Variants in MTM1 observed in about 807,000 individuals in gnomAD.
The protein encoded by MTM1 is myotubularin 1.
MTM1 carries 9 observed loss-of-function variants against 52.1 expected under a neutral mutation model. The ratio of observed to expected loss-of-function variants is 0.17; its 90% CI spans 0.10 to 0.30. The LOEUF (loss-of-function observed/expected upper bound fraction) is 0.30, where lower values mean the gene tolerates loss of function less well. MTM1 is among the 10% of genes least tolerant of loss of function. MTM1 has a pLI of 1.00. For missense variants in MTM1, 277 were observed against 470.7 expected (o/e 0.59, Z 3.81); for synonymous variants, 136 against 163.8 (o/e 0.83, Z 1.29).
rs1376946280 is a variant in MTM1 at position 150,672,481 on chromosome X, C to CTA, written c.*888_*889dup. The CTA allele has an allele frequency of 8.9e-6, 1 of 111,949 alleles. No homozygotes were observed. Among genetic ancestry groups the CTA allele is most frequent in the Non-Finnish European group, 1.9e-5 (1 of 53,252 alleles). The allele number at this position is 111,949 out of a possible 1,213,427, so 9.2% of individuals were successfully genotyped here. The stretch of plus-strand genomic sequence containing the variant: ...AGGGCTACCGTCTTGGATGCATGAG[C>CTA]TATTGCTAGAGCATCATCCTTAGAA... On this transcript the variant is annotated 3_prime_UTR_variant, in exon 15 of 15. Transcript: ENST00000370396.
intron 14 of MTM1, among the ~76,000 whole-genome samples, chrX:150,668,886 CTTTTTTCTTT>C (rs1396349095): frequency 7.3e-5 from 8 of 110,098 alleles, no homozygotes; most frequent in Non-Finnish European, 1.5e-4. Flanking sequence ...AGACGTTTGG[CTTTTTTCTTT>C]TTTTTTCTTT....
chrX:150,658,815 A>G (rs1557414559), intron 11 of MTM1, among the ~76,000 whole-genome samples: 1 of 111,990 alleles, frequency 8.9e-6, no homozygotes, highest in Non-Finnish European at 1.9e-5. Context: ...AACATTTTCA[A>G]GTAGAAAGAA....
intron 1 of MTM1, among the ~76,000 whole-genome samples, chrX:150,586,051 A>G (rs1250339947): frequency 4.5e-5 from 5 of 112,284 alleles, no homozygotes; most frequent in African/African-American, 1.6e-4. Context: ...TTTTTAGCCA[A>G]AGGTCTTTGC....
At chrX:150,610,251 A>C (rs1206435728) in intron 4 of MTM1, among the ~76,000 whole-genome samples, 1 of 111,330 alleles carries the variant, frequency 9.0e-6, no homozygotes, top group Non-Finnish European at 1.9e-5. Flanking sequence ...TGGCACTAGC[A>C]ACCTGGCATT....
chrX:150,603,339 C>T (rs886068918), intron 4 of MTM1, among the ~76,000 whole-genome samples: 15 of 111,667 alleles, frequency 1.3e-4, no homozygotes, highest in Non-Finnish European at 1.9e-5. Flanking sequence ...AAGCAGTATG[C>T]AAGTTACACA....
At chrX:150,657,393 A>G (rs1429195796) in intron 10 of MTM1, among the ~76,000 whole-genome samples, 1 of 105,777 alleles carries the variant, frequency 9.5e-6, no homozygotes, top group East Asian at 3.1e-4. Context: ...CAAACACCGC[A>G]TGTTCTCACT....
rs188233288 is a variant in MTM1 at position 150,594,454 on chromosome X, C to T, written c.63+1777C>T. ...ATCAGCTCTATAATATGTTACAAGT[C>T]TTCTTCCTGATTTATTGTTGGCCTT... is the stretch of plus-strand genomic sequence containing the variant. On this transcript the variant is annotated intron_variant, in intron 2 of 14. Transcript: ENST00000370396. 6.1e-3 allele frequency among the ~76,000 whole-genome samples: 678 copies of T among 111,534 alleles called. 4 individuals are homozygous for T. The highest frequency in any genetic ancestry group is 0.014 in the Middle Eastern group (3 of 217).
rs782217375 is a variant in MTM1, at chrX:150,598,631, T to C, written c.176T>C (p.Ile59Thr). ...TACATATGTCCTTTCAATGGCCCCATTAAGGGAAGAGTTTACATCACAAAT... is the reference window on the plus strand; with the variant it reads ...TACATATGTCCTTTCAATGGCCCCACTAAGGGAAGAGTTTACATCACAAAT... Reference protein sequence around the residue: ...VIYICPFNGPIKGRVYITNYR... With the variant: ...VIYICPFNGPTKGRVYITNYR... The change falls in exon 4 of 15, where the codon ATT (isoleucine) becomes ACT (threonine). Residue 59 changes from isoleucine (I) to threonine (T), a missense_variant. Ile to Thr is a moderately conservative substitution (Grantham distance 89). Coordinates refer to ENST00000370396, the MANE Select transcript of MTM1 (RefSeq NM_000252.3). 1.6e-4 allele frequency: 197 copies of C among 1,200,352 alleles called. 1 individual carries two copies. Among genetic ancestry groups the C allele is most frequent in the Non-Finnish European group, 2.1e-4 (186 of 886,889 alleles).
In MTM1 at chrX:150,671,561, C is replaced by T. The variant is rs950958823; in HGVS notation, c.1778C>T (p.Ser593Leu). 46 of 1,209,210 alleles carry T rather than the reference C, an allele frequency of 3.8e-5. No homozygotes were observed. The highest frequency in any genetic ancestry group is 5.9e-5 in the East Asian group (2 of 33,757). Residue 593 changes from serine to leucine, a missense_variant, in exon 15 of 15, where the codon TCG (serine) becomes TTG (leucine). Ser to Leu is a moderately radical substitution (Grantham distance 145). Around this residue, in one of 4 missense-constraint regions of MTM1, gnomAD observed 51 missense variants for 52.2 expected, o/e 0.98. Coordinates refer to ENST00000370396, the MANE Select transcript of MTM1 (RefSeq NM_000252.3). ...SDPPTSPSSPSQMMPHVQTHF is the reference protein window; with the variant it reads ...SDPPTSPSSPLQMMPHVQTHF The stretch of plus-strand genomic sequence containing the variant: ...CCCCCAACTTCACCTTCCAGTCCTT[C>T]GCAAATGATGCCCCATGTGCAAACT...
intron 1 of MTM1, among the ~76,000 whole-genome samples, chrX:150,574,946 G>GGTTA (rs1427972702): frequency 3.6e-5 from 4 of 112,292 alleles, no homozygotes; most frequent in Non-Finnish European, 5.6e-5. Context: ...GTTTCAGAGA[G>GGTTA]GTTAGGTCTA....
chrX:150,564,225 CATG>C (rs1191605495), upstream of MTM1, among the ~76,000 whole-genome samples: 4 of 111,981 alleles, frequency 3.6e-5, no homozygotes, highest in East Asian at 5.6e-4. Context: ...TTTCATTTAG[CATG>C]ATATTTTTGA....
chrX:150,563,788 A>G (rs1442988685), upstream of MTM1, among the ~76,000 whole-genome samples: 2 of 110,665 alleles, frequency 1.8e-5, no homozygotes, highest in Non-Finnish European at 3.8e-5. Flanking sequence ...TGGGAAGCTG[A>G]GGCAGGAGAC....
intron 10 of MTM1, among the ~76,000 whole-genome samples, chrX:150,652,126 T>C (rs782684752): frequency 9.0e-6 from 1 of 111,300 alleles, no homozygotes; most frequent in African/African-American, 3.3e-5. Context: ...TTCAGCCTGT[T>C]TTGTAGACAA....
At chrX:150,619,903 C>T (rs898305133) in intron 6 of MTM1, among the ~76,000 whole-genome samples, 1 of 111,366 alleles carries the variant, frequency 9.0e-6, no homozygotes, top group African/African-American at 3.3e-5. Flanking sequence ...CAGACTAAAC[C>T]GAAGGTGATG....
chrX:150,640,502 G>A (rs1432346423), intron 7 of MTM1, among the ~76,000 whole-genome samples: 3 of 111,643 alleles, frequency 2.7e-5, no homozygotes, highest in African/African-American at 9.8e-5. Context: ...TCACTTTTGT[G>A]TGTGTATCTG....
chrX:150,641,193 GAAGAA>G (rs2039842006), intron 7 of MTM1, 71 bp from the exon 8 acceptor site: 4 of 1,116,218 alleles, frequency 3.6e-6, no homozygotes, highest in Non-Finnish European at 4.9e-6. Context: ...TTGCTAGAAG[GAAGAA>G]AAGAGGCCCA....
At position 150,571,878 on chromosome X, in the gene MTM1, CAGG is replaced by C. The variant is rs1333868977; in HGVS notation, c.-11+3219_-11+3221del. On this transcript the variant is annotated intron_variant, in intron 1 of 14. Transcript: ENST00000370396. ...ATCTGCCTTGAAAGTGAGAGTGTATCAGGAGACCCAGTAGGAGTTACTGAGTTA... is the reference window on the plus strand; with the variant it reads ...ATCTGCCTTGAAAGTGAGAGTGTATCAGACCCAGTAGGAGTTACTGAGTTA... Among the ~76,000 whole-genome samples the C allele has an allele frequency of 7.1e-5, 8 of 111,989 alleles. No individual in the cohort carries two copies. The East Asian group carries it at 2.2e-3, about 31-fold the overall frequency.
intron 2 of MTM1, among the ~76,000 whole-genome samples, chrX:150,595,161 G>A (rs1209391114): frequency 1.8e-5 from 2 of 111,427 alleles, no homozygotes; most frequent in African/African-American, 6.5e-5. Flanking sequence ...CATTTGCATA[G>A]CCTCTGATAA....
intron 14 of MTM1, among the ~76,000 whole-genome samples, chrX:150,667,792 C>T (rs1228587075): frequency 3.6e-5 from 4 of 112,074 alleles, no homozygotes; most frequent in Non-Finnish European, 7.5e-5. Flanking sequence ...GCAGCAATCG[C>T]AGTAGAAATG....
Sources: allele counts gnomAD v4.1 joint callset (sites outside exome capture counted in the v4.1 genomes callset), GRCh38; gene constraint gnomAD v4.1.1; regional missense constraint gnomAD v4.1.1; transcripts MANE v1.5; gene names NCBI Gene and HGNC (gene_info 2026-07-23, HGNC 2026-07-21).